The following EFNA5 variants were observed in gnomAD, a reference collection of about 807,000 sequenced individuals.
The protein encoded by EFNA5 is ephrin A5.
Under a neutral mutation model 22.9 loss-of-function variants are expected in EFNA5, and 5 were observed. The observed-to-expected ratio is 0.22, with a 90% confidence interval of 0.11 to 0.46. The LOEUF is 0.46. Ranked by LOEUF, EFNA5 falls within the 20% of genes least tolerant of loss-of-function variation. The pLI, the probability that EFNA5 is intolerant of heterozygous loss-of-function variation, is 0.99. For missense variants in EFNA5, 237 were observed against 293.3 expected (o/e 0.81, Z 1.40); for synonymous variants, 113 against 112.2 (o/e 1.01, Z -0.04).
intron 1 of EFNA5, among the ~76,000 whole-genome samples, chr5:107,438,784 A>G (rs1391646511): frequency 1.3e-5 from 2 of 152,118 alleles, no homozygotes; most frequent in Non-Finnish European, 2.9e-5. Flanking sequence ...GGGGTTAGAA[A>G]TCTCTCCTTC....
chr5:107,564,631 G>GTTTTTTTTTT (rs34585445), intron 1 of EFNA5, among the ~76,000 whole-genome samples: 4 of 115,030 alleles, frequency 3.5e-5, no homozygotes, highest in African/African-American at 1.3e-4. Context: ...TTGGGTTTTT[G>GTTTTTTTTTT]TTTTTTTTTT....
In EFNA5 at chr5:107,440,382, A is replaced by T. The variant is rs1288134311; in HGVS notation, c.126-12873T>A. Among the ~76,000 whole-genome samples, 6 of 152,158 alleles carry T rather than the reference A, an allele frequency of 3.9e-5. No individual in the cohort carries two copies. The East Asian group carries it at 1.2e-3, about 29-fold the overall frequency. On this transcript the variant is annotated intron_variant, in intron 1 of 4. Coordinates refer to ENST00000333274, the MANE Select transcript of EFNA5 (RefSeq NM_001962.3). ...ATCATCTTAATAAACTCTACTTTCAAAATGTCTACCTTGGAAAAGAACTAT... is the reference window on the plus strand; with the variant it reads ...ATCATCTTAATAAACTCTACTTTCATAATGTCTACCTTGGAAAAGAACTAT...
chr5:107,533,623 C>T (rs485241), intron 1 of EFNA5, among the ~76,000 whole-genome samples: 6,960 of 152,078 alleles, frequency 0.046, 544 homozygotes, highest in African/African-American at 0.16. Context: ...GGGAAAAGTC[C>T]TGCTCTGCAT....
At chr5:107,386,485 G>A (rs942400587) in intron 4 of EFNA5, among the ~76,000 whole-genome samples, 2 of 152,156 alleles carry the variant, frequency 1.3e-5, no homozygotes, top group African/African-American at 4.8e-5. Flanking sequence ...ATGCCTCAAC[G>A]AGTGCTTTGG....
rs533449454 is a variant in EFNA5 at position 107,405,872 on chromosome 5, C to T, written c.419-18101G>A. 6.4e-4 allele frequency among the ~76,000 whole-genome samples: 94 copies of T among 147,310 alleles called. 3 individuals carry two copies. In the South Asian group the frequency reaches 0.02, roughly 32 times the overall value. On this transcript the variant is annotated intron_variant, in intron 2 of 4. Transcript: ENST00000333274. ...TATATACATAGAATGTATACAAATACATATATTTGTATACATATTCTATGT... is the reference window on the plus strand; with the variant it reads ...TATATACATAGAATGTATACAAATATATATATTTGTATACATATTCTATGT...
At position 107,624,510 on chromosome 5, in the gene EFNA5, T is replaced by C. The variant is rs147400432; in HGVS notation, c.125+45979A>G. 1.3e-3 allele frequency among the ~76,000 whole-genome samples: 198 copies of C among 152,312 alleles called. 1 individual carries two copies. Among genetic ancestry groups the C allele is most frequent in the African/African-American group, 4.7e-3 (195 of 41,580 alleles). ...AAAGATTGTTTTTTTCCTCTTTTTC[T>C]AGACATGTGGTCCAGCACAGGTGTC... On this transcript the variant is annotated intron_variant, in intron 1 of 4. Coordinates refer to ENST00000333274, the MANE Select transcript of EFNA5 (RefSeq NM_001962.3).
In EFNA5 at chr5:107,608,770, A is replaced by T. The variant is rs572263907; in HGVS notation, c.125+61719T>A. On this transcript the variant is annotated intron_variant, in intron 1 of 4. Transcript: ENST00000333274. Reference sequence around the variant, plus strand: ...CATGTGGCCACAGCCTTCACCCTTTATCCACAATGGCATTAATGATGGCCC... The same window carrying T: ...CATGTGGCCACAGCCTTCACCCTTTTTCCACAATGGCATTAATGATGGCCC... 2.0e-5 allele frequency among the ~76,000 whole-genome samples: 3 copies of T among 152,272 alleles called. No homozygotes were observed. The East Asian group carries it at 5.8e-4, about 29-fold the overall frequency.
intron 1 of EFNA5, among the ~76,000 whole-genome samples, chr5:107,663,490 A>G (rs1424403912): frequency 6.6e-6 from 1 of 152,132 alleles, no homozygotes; most frequent in Non-Finnish European, 1.5e-5. Context: ...AGCATATGCC[A>G]AAACTCCCAC....
intron 1 of EFNA5, among the ~76,000 whole-genome samples, chr5:107,494,859 C>T (rs1474475000): frequency 6.6e-6 from 1 of 151,642 alleles, no homozygotes; most frequent in Non-Finnish European, 1.5e-5. Flanking sequence ...CTGTGTCTAG[C>T]TCAGGGTGCT....
chr5:107,625,798 T>G (rs568696471), intron 1 of EFNA5, among the ~76,000 whole-genome samples: 1 of 152,322 alleles, frequency 6.6e-6, no homozygotes, highest in Non-Finnish European at 1.5e-5. Context: ...CTAAATTAAA[T>G]TAGTCTTATT....
At chr5:107,564,381 C>T (rs1021768663) in intron 1 of EFNA5, among the ~76,000 whole-genome samples, 4 of 152,218 alleles carry the variant, frequency 2.6e-5, no homozygotes, top group African/African-American at 7.2e-5. Flanking sequence ...CAACATGGGG[C>T]TTCCTCTTTC....
At chr5:107,407,028 C>T (rs771048501) in intron 2 of EFNA5, among the ~76,000 whole-genome samples, 76 of 152,306 alleles carry the variant, frequency 5.0e-4, no homozygotes, top group South Asian at 4.1e-4. Flanking sequence ...GAATAAGTAG[C>T]TTATTTTTCA....
At chr5:107,471,629 T>C (rs752894343) in intron 1 of EFNA5, among the ~76,000 whole-genome samples, 1 of 152,200 alleles carries the variant, frequency 6.6e-6, no homozygotes. Context: ...GTAGCCTGGA[T>C]AACCGATAAT....
intron 1 of EFNA5, among the ~76,000 whole-genome samples, chr5:107,515,291 C>A (rs150151937): frequency 0.012 from 1,896 of 152,090 alleles, 40 homozygotes; most frequent in African/African-American, 0.043. Context: ...CCTGCCTCAG[C>A]CTCCCAAAGT....
At chr5:107,465,731 C>T (rs190478062) in intron 1 of EFNA5, among the ~76,000 whole-genome samples, 3 of 152,226 alleles carry the variant, frequency 2.0e-5, no homozygotes, top group African/African-American at 7.2e-5. Flanking sequence ...AGATTGCTTG[C>T]AGAGATGTTC....
At chr5:107,625,777 C>T (rs920033621) in intron 1 of EFNA5, among the ~76,000 whole-genome samples, 2 of 152,146 alleles carry the variant, frequency 1.3e-5, no homozygotes, top group African/African-American at 4.8e-5. Context: ...CATCTTTCTC[C>T]TCAGCTACCC....
intron 1 of EFNA5, among the ~76,000 whole-genome samples, chr5:107,538,830 G>A (rs191200086): frequency 2.0e-3 from 307 of 152,344 alleles, no homozygotes; most frequent in South Asian, 0.012. Flanking sequence ...TGGGTCCTGG[G>A]TGTAGGGGTT....
chr5:107,517,004 C>G (rs1417520838), intron 1 of EFNA5, among the ~76,000 whole-genome samples: 4 of 151,968 alleles, frequency 2.6e-5, no homozygotes, highest in Non-Finnish European at 5.9e-5. Context: ...CAGGGGATGA[C>G]TATAAATGGG....
chr5:107,565,256 TA>T (rs1197912926), intron 1 of EFNA5, among the ~76,000 whole-genome samples: 1 of 152,198 alleles, frequency 6.6e-6, no homozygotes, highest in Non-Finnish European at 1.5e-5. Flanking sequence ...TTTTTATGGG[TA>T]ACTTTCAATT....
Sources: allele counts gnomAD v4.1 joint callset (sites outside exome capture counted in the v4.1 genomes callset), GRCh38; gene constraint gnomAD v4.1.1; transcripts MANE v1.5; gene names NCBI Gene and HGNC (gene_info 2026-07-23, HGNC 2026-07-21).